The following ZC3H3 variants were observed in gnomAD, a reference collection of about 807,000 sequenced individuals.
ZC3H3 encodes zinc finger CCCH domain-containing protein 3.
In ZC3H3, 36 loss-of-function variants were observed where a neutral mutation model predicts 77.3. That is an observed-to-expected ratio of 0.47 (90% confidence interval 0.36 to 0.61). ZC3H3 has a LOEUF of 0.61. ZC3H3 is among the 20% of genes least tolerant of loss of function. The probability of loss-of-function intolerance (pLI) is 0.00; values close to 1 mark genes in which losing one functional copy is unlikely to be tolerated. For synonymous variants in ZC3H3, 626 were observed against 555.2 expected (o/e 1.13, Z -1.79); for missense variants, 1,331 against 1,312.2 (o/e 1.01, Z -0.22).
At chr8:143,513,520 G>A (rs1821937387) in intron 3 of ZC3H3, among the ~76,000 whole-genome samples, 1 of 152,224 alleles carries the variant, frequency 6.6e-6, no homozygotes, top group Non-Finnish European at 1.5e-5. Flanking sequence ...AGTGGCTGAT[G>A]GCGCTCTTGG....
rs775849593 is a variant in ZC3H3, at chr8:143,539,185, C to A, written c.182G>T (p.Gly61Val). 1.9e-6 allele frequency: 3 copies of A among 1,612,832 alleles called. No homozygotes were observed. In the African/African-American group the frequency reaches 4.0e-5, roughly 22 times the overall value. Residue 61 changes from glycine (G) to valine (V), a missense_variant, in exon 2 of 12, where the codon GGC becomes GTC. Transcript: ENST00000262577. ...SARYPRPSRR[G>V]YSSHHGPSWR... The stretch of plus-strand genomic sequence containing the variant: ...CGAAGGCCCATGGTGGGAAGAGTAG[C>A]CCCTCCGGCTTGGACGAGGGTAGCG...
At chr8:143,442,733 C>T (rs946528821) in intron 9 of ZC3H3, among the ~76,000 whole-genome samples, 1 of 152,244 alleles carries the variant, frequency 6.6e-6, no homozygotes, top group Non-Finnish European at 1.5e-5. Context: ...TGTGCCAGGA[C>T]TCAGACTTAG....
At chr8:143,513,770 C>A (rs890661653) in intron 3 of ZC3H3, among the ~76,000 whole-genome samples, 7 of 152,226 alleles carry the variant, frequency 4.6e-5, no homozygotes, top group African/African-American at 1.7e-4. Flanking sequence ...CCATTGTGAG[C>A]ACAGATGCCC....
intron 9 of ZC3H3, among the ~76,000 whole-genome samples, 200 bp downstream of exon 9, chr8:143,465,517 A>G (rs545582870): frequency 3.2e-4 from 49 of 152,236 alleles, no homozygotes; most frequent in African/African-American, 1.1e-3. Flanking sequence ...CATGGTTCAA[A>G]CCCCGCCCTG....
intron 4 of ZC3H3, among the ~76,000 whole-genome samples, chr8:143,492,685 G>A (rs1020493767): frequency 6.6e-6 from 1 of 151,500 alleles, no homozygotes; most frequent in African/African-American, 2.4e-5. Flanking sequence ...AGGCGCCCTG[G>A]CCCAGGGGCT....
intron 5 of ZC3H3, 86 bp downstream of exon 5, chr8:143,475,312 T>C: frequency 6.9e-7 from 1 of 1,452,148 alleles, no homozygotes; most frequent in Non-Finnish European, 9.2e-7. Flanking sequence ...CACAGCATGT[T>C]GGAGGTTAGG....
At chr8:143,534,698 A>C in intron 3 of ZC3H3, among the ~76,000 whole-genome samples, 1 of 151,874 alleles carries the variant, frequency 6.6e-6, no homozygotes. Context: ...AGCCACCCCT[A>C]CCATCCACTC....
chr8:143,500,977 C>A (rs1431160298), intron 4 of ZC3H3, among the ~76,000 whole-genome samples: 1 of 134,106 alleles, frequency 7.5e-6, no homozygotes, highest in African/African-American at 2.8e-5. Flanking sequence ...CATGCCCGAC[C>A]TTTTTTTTTT....
chr8:143,477,397 C>T (rs1021923275), intron 4 of ZC3H3, among the ~76,000 whole-genome samples: 2 of 152,212 alleles, frequency 1.3e-5, no homozygotes, highest in Non-Finnish European at 2.9e-5. Context: ...GCCCTGCACA[C>T]TCCAGCTGCT....
Position 143,475,482 on chromosome 8 carries a change from C to T in ZC3H3, c.1819G>A (p.Val607Ile). Residue 607 changes from valine (V) to isoleucine (I), a missense_variant, in exon 5 of 12, where the codon GTC becomes ATC. By Grantham distance (29) the Val-to-Ile change is conservative (BLOSUM62 3). Around this residue, in one of 3 missense-constraint regions of ZC3H3, gnomAD observed 978 missense variants for 915.5 expected, o/e 1.07. Transcript: ENST00000262577. ...RSKGYRCIGG[V>I]LYKVSANKLS... is the part of the protein sequence containing the mutation. ...TTGTTGGCAGATACTTTGTAGAGGA[C>T]CCCTCCGATGCAGCGGTAGCCTTTG... 3 of 1,613,130 alleles carry T rather than the reference C, an allele frequency of 1.9e-6. No homozygotes were observed. The highest frequency in any genetic ancestry group is 2.5e-6 in the Non-Finnish European group (3 of 1,179,962).
chr8:143,448,858 G>C (rs1295545227), intron 9 of ZC3H3, among the ~76,000 whole-genome samples: 1 of 152,238 alleles, frequency 6.6e-6, no homozygotes, highest in African/African-American at 2.4e-5. Flanking sequence ...GGACATACAG[G>C]CTTTTCCACG....
chr8:143,454,216 G>C (rs1429419331), intron 9 of ZC3H3, among the ~76,000 whole-genome samples: 1 of 151,220 alleles, frequency 6.6e-6, no homozygotes, highest in Non-Finnish European at 1.5e-5. Flanking sequence ...CAAGTAGCTG[G>C]GATTACAGGT....
At chr8:143,446,425 A>G (rs971322837) in intron 9 of ZC3H3, among the ~76,000 whole-genome samples, 7 of 152,224 alleles carry the variant, frequency 4.6e-5, no homozygotes, top group African/African-American at 1.7e-4. Flanking sequence ...AGGACATTAT[A>G]TGTATTTTTA....
chr8:143,472,922 TC>T (rs1820615792), intron 5 of ZC3H3, among the ~76,000 whole-genome samples: 1 of 152,146 alleles, frequency 6.6e-6, no homozygotes, highest in African/African-American at 2.4e-5. Context: ...GGGTGGGTCC[TC>T]CCTGGGATGG....
chr8:143,473,870 G>C (rs1820649090), intron 5 of ZC3H3, among the ~76,000 whole-genome samples: 1 of 152,170 alleles, frequency 6.6e-6, no homozygotes, highest in Non-Finnish European at 1.5e-5. Flanking sequence ...GACTGGCCAG[G>C]GGCTTATACT....
intron 4 of ZC3H3, among the ~76,000 whole-genome samples, chr8:143,481,769 C>T (rs1014029061): frequency 6.6e-6 from 1 of 152,254 alleles, no homozygotes; most frequent in African/African-American, 2.4e-5. Context: ...CTCCTGCTCC[C>T]ACAGCCAGGC....
intron 4 of ZC3H3, among the ~76,000 whole-genome samples, chr8:143,490,073 C>CA (rs1821159923): frequency 6.6e-6 from 1 of 152,204 alleles, no homozygotes; most frequent in African/African-American, 2.4e-5. Flanking sequence ...CCACGCCCAG[C>CA]AAGCACCTGA....
chr8:143,440,441 GC>G, intron 10 of ZC3H3, 78 bp from the exon 11 acceptor site: 1 of 1,466,484 alleles, frequency 6.8e-7, no homozygotes, highest in Non-Finnish European at 9.0e-7. Context: ...CATGCTCTTG[GC>G]TGCTTCCTGC....
At chr8:143,539,519 T>G (rs1317465211) in intron 1 of ZC3H3, among the ~76,000 whole-genome samples, 199 bp from the exon 2 acceptor site, 1 of 152,198 alleles carries the variant, frequency 6.6e-6, no homozygotes, top group Non-Finnish European at 1.5e-5. Flanking sequence ...GTCGCTTCTA[T>G]GAGCCTTTTC....
Sources: gnomAD v4.1 joint callset for allele counts (sites outside exome capture counted in the v4.1 genomes callset) on GRCh38, gnomAD v4.1.1 for gene constraint, gnomAD v4.1.1 regional missense constraint, MANE v1.5 for transcripts, NCBI Gene and HGNC (gene_info 2026-07-23, HGNC 2026-07-21) for gene names.